RPS6KC1: variants seen among roughly 807,000 people sequenced by gnomAD.
The protein encoded by RPS6KC1 is ribosomal protein S6 kinase C1.
RPS6KC1 carries 54 observed loss-of-function variants against 103.8 expected under a neutral mutation model. The observed-to-expected ratio is 0.52, with a 90% CI of 0.42 to 0.65. The LOEUF is 0.65. RPS6KC1 is among the 30% of genes least tolerant of loss of function. RPS6KC1 has a pLI of 0.00. For synonymous variants in RPS6KC1, 439 were observed against 438.7 expected (o/e 1.00, Z -0.01); for missense variants, 1,151 against 1,253.8 (o/e 0.92, Z 1.24).
At chr1:213,823,726 C>CCACACACACACACACACACACACACACA in the RPS6KC1 span, among the ~76,000 whole-genome samples, 11 of 146,278 alleles carry the variant, frequency 7.5e-5, no homozygotes, top group Non-Finnish European at 1.5e-4. Context: ...GCTATCACAG[C>CCACACACACACACACACACACACACACA]CACACACACA....
chr1:213,113,392 C>T (rs1382935800), intron 4 of RPS6KC1, among the ~76,000 whole-genome samples: 1 of 152,044 alleles, frequency 6.6e-6, no homozygotes, highest in Non-Finnish European at 1.5e-5. Flanking sequence ...TGTCCTTCGC[C>T]CACTTTTTGA....
At chr1:213,791,502 G>A in the RPS6KC1 span, among the ~76,000 whole-genome samples, 2 of 152,074 alleles carry the variant, frequency 1.3e-5, no homozygotes, top group African/African-American at 4.8e-5. Context: ...GTTCCAATGG[G>A]AGAAATTTCT....
chr1:213,495,693 C>G, the RPS6KC1 span, among the ~76,000 whole-genome samples: 1 of 152,138 alleles, frequency 6.6e-6, no homozygotes. Flanking sequence ...GTTACACAAC[C>G]AGTATTTGAA....
chr1:213,092,225 A>G (rs2148664869), intron 3 of RPS6KC1, among the ~76,000 whole-genome samples: 1 of 152,338 alleles, frequency 6.6e-6, no homozygotes, highest in Middle Eastern at 3.4e-3. Context: ...GCTCATAGAG[A>G]ACACACGTAC....
the RPS6KC1 span, among the ~76,000 whole-genome samples, chr1:213,654,015 G>A: frequency 6.6e-6 from 1 of 152,224 alleles, no homozygotes; most frequent in African/African-American, 2.4e-5. Flanking sequence ...CTTTCAAAGT[G>A]TATAGACCCT....
the RPS6KC1 span, among the ~76,000 whole-genome samples, chr1:213,446,117 G>C: frequency 3.3e-5 from 5 of 152,204 alleles, no homozygotes; most frequent in African/African-American, 1.2e-4. Flanking sequence ...AAACTTTGGA[G>C]TCTGGGCTTC....
intron 5 of RPS6KC1, among the ~76,000 whole-genome samples, chr1:213,126,827 G>T (rs2148972490): frequency 6.6e-6 from 1 of 152,248 alleles, no homozygotes; most frequent in East Asian, 1.9e-4. Context: ...CACTACAATG[G>T]CAGTGTTGAG....
chr1:213,860,402 A>T, the RPS6KC1 span, among the ~76,000 whole-genome samples: 2 of 135,300 alleles, frequency 1.5e-5, no homozygotes, highest in African/African-American at 5.0e-5. Context: ...TGTGTAAGAG[A>T]AACAAAAAAA....
chr1:213,164,706 G>T (rs1334762278), intron 6 of RPS6KC1, among the ~76,000 whole-genome samples: 2 of 152,110 alleles, frequency 1.3e-5, no homozygotes, highest in Admixed American at 1.3e-4. Flanking sequence ...GGAACCACAG[G>T]TGCGCACCAA....
the RPS6KC1 span, among the ~76,000 whole-genome samples, chr1:213,702,846 G>GT: frequency 7.8e-6 from 1 of 128,682 alleles, no homozygotes; most frequent in African/African-American, 3.1e-5. Flanking sequence ...GATCATTGAG[G>GT]TTTTTTTTGT....
the RPS6KC1 span, among the ~76,000 whole-genome samples, chr1:213,815,405 CATTTT>C: frequency 1.3e-5 from 2 of 152,174 alleles, no homozygotes; most frequent in Non-Finnish European, 2.9e-5. Context: ...GAACTCCAAA[CATTTT>C]AGTTATGCAC....
intron 8 of RPS6KC1, among the ~76,000 whole-genome samples, chr1:213,212,349 T>C (rs929727079): frequency 6.6e-6 from 1 of 152,192 alleles, no homozygotes; most frequent in African/African-American, 2.4e-5. Flanking sequence ...TGTAGCCTTT[T>C]CAGATTGGCT....
the RPS6KC1 span, among the ~76,000 whole-genome samples, chr1:213,777,387 G>A: frequency 3.3e-5 from 5 of 152,022 alleles, no homozygotes; most frequent in African/African-American, 1.2e-4. Flanking sequence ...TGTTTCTTGG[G>A]GAATAGGCCT....
At chr1:213,094,846 C>A (rs957899421) in intron 3 of RPS6KC1, among the ~76,000 whole-genome samples, 2 of 152,216 alleles carry the variant, frequency 1.3e-5, no homozygotes, top group Admixed American at 1.3e-4. Flanking sequence ...AAAACATAAA[C>A]ATTGTTCAAG....
the RPS6KC1 span, among the ~76,000 whole-genome samples, chr1:213,570,170 CTTA>C: frequency 6.6e-6 from 1 of 152,178 alleles, no homozygotes; most frequent in African/African-American, 2.4e-5. Flanking sequence ...AGCTCTGTCA[CTTA>C]TTATTTGAAT....
chr1:213,594,756 C>T, the RPS6KC1 span, among the ~76,000 whole-genome samples: 1 of 152,170 alleles, frequency 6.6e-6, no homozygotes, highest in Non-Finnish European at 1.5e-5. Context: ...GGCATGGAGT[C>T]TGCTGTGGTA....
At chr1:213,439,266 G>A in the RPS6KC1 span, among the ~76,000 whole-genome samples, 1 of 152,098 alleles carries the variant, frequency 6.6e-6, no homozygotes, top group African/African-American at 2.4e-5. Context: ...TTCAATGTGT[G>A]TTTCTCATTT....
intron 4 of RPS6KC1, among the ~76,000 whole-genome samples, chr1:213,107,951 C>A (rs1219141809): frequency 6.6e-6 from 1 of 152,124 alleles, no homozygotes; most frequent in East Asian, 1.9e-4. Flanking sequence ...TAAAATCTAC[C>A]CATTTTTTTG....
the RPS6KC1 span, among the ~76,000 whole-genome samples, chr1:213,459,267 A>G: frequency 1.3e-5 from 2 of 152,068 alleles, no homozygotes; most frequent in Admixed American, 6.6e-5. Context: ...GCTATTAATT[A>G]CTGCCTCAAT....
Sources: allele counts gnomAD v4.1 joint callset (sites outside exome capture counted in the v4.1 genomes callset), GRCh38; gene constraint gnomAD v4.1.1; transcripts MANE v1.5; gene names NCBI Gene and HGNC (gene_info 2026-07-23, HGNC 2026-07-21).